DISP1: variants seen among roughly 807,000 people sequenced by gnomAD.
DISP1 encodes dispatched RND transporter family member 1, also known as protein dispatched homolog 1.
A neutral mutation model predicts 37.3 loss-of-function variants in DISP1; 30 were observed. The observed-to-expected ratio is 0.80, with a 90% CI of 0.60 to 1.09. DISP1 has a LOEUF of 1.09. Ranked by LOEUF, DISP1 falls within the 50% of genes least tolerant of loss-of-function variation. The pLI, the probability that DISP1 is intolerant of heterozygous loss-of-function variation, is 0.00. For missense variants in DISP1, 1,598 were observed against 1,879.5 expected (o/e 0.85, Z 2.77); for synonymous variants, 634 against 690.2 (o/e 0.92, Z 1.28).
In DISP1 at chr1:222,943,247, C is replaced by T; in HGVS notation, c.424C>T (p.Gln142Ter). Residue 142 changes from glutamine (Q) to a stop codon, truncating the protein, a stop_gained, in exon 3 of 9, where the codon CAG (glutamine) becomes TAG (stop). Coordinates refer to ENST00000675850, the MANE Select transcript of DISP1 (RefSeq NM_001377229.1). LOFTEE classifies it high-confidence loss of function. ...SPVYQTTCCL[Q>*]PSPSFCLHHP... is the part of the protein sequence containing the mutation. Reference sequence around the variant, plus strand: ...TGTGTATCAGACTACGTGCTGTCTTCAGCCCTCTCCATCCTTCTGCCTGCA... The same window carrying T: ...TGTGTATCAGACTACGTGCTGTCTTTAGCCCTCTCCATCCTTCTGCCTGCA... 3 of 1,613,748 alleles carry T rather than the reference C, an allele frequency of 1.9e-6. No individual in the cohort carries two copies. The highest frequency in any genetic ancestry group is 2.5e-6 in the Non-Finnish European group (3 of 1,179,734).
At chr1:222,819,515 TAC>T (rs71175197) in intron 1 of DISP1, among the ~76,000 whole-genome samples, 21 of 139,222 alleles carry the variant, frequency 1.5e-4, no homozygotes, top group Admixed American at 2.9e-4. Flanking sequence ...GTTATATACA[TAC>T]ACACACACAC....
intron 3 of DISP1, among the ~76,000 whole-genome samples, chr1:222,971,279 T>A (rs899784963): frequency 1.6e-5 from 2 of 128,692 alleles, no homozygotes; most frequent in African/African-American, 5.8e-5. Context: ...TCTATAGAAG[T>A]TTGAGGGAAA....
At chr1:222,824,973 G>A (rs570046167) in intron 1 of DISP1, among the ~76,000 whole-genome samples, 88 of 152,250 alleles carry the variant, frequency 5.8e-4, no homozygotes, top group African/African-American at 2.0e-3. Flanking sequence ...TTTTTAGACA[G>A]TTTCATTCTT....
chr1:222,908,144 G>A (rs1210209156), intron 1 of DISP1, among the ~76,000 whole-genome samples: 9 of 152,064 alleles, frequency 5.9e-5, no homozygotes, highest in Non-Finnish European at 2.9e-5. Flanking sequence ...AAAGTACAAT[G>A]TCAATTTATT....
chr1:222,815,821 T>G (rs768702038), intron 1 of DISP1, among the ~76,000 whole-genome samples: 48 of 152,182 alleles, frequency 3.2e-4, no homozygotes, highest in Admixed American at 6.5e-4. Context: ...CTTGTCTTAT[T>G]TCCCTTGTCA....
intron 1 of DISP1, among the ~76,000 whole-genome samples, chr1:222,907,881 G>A (rs1195997981): frequency 3.9e-5 from 6 of 152,218 alleles, no homozygotes; most frequent in Non-Finnish European, 2.9e-5. Context: ...CCCTGGAGGC[G>A]GAGGTTGCAG....
chr1:222,956,253 G>C (rs1233186866), intron 3 of DISP1, among the ~76,000 whole-genome samples: 4 of 152,172 alleles, frequency 2.6e-5, no homozygotes, highest in Non-Finnish European at 5.9e-5. Flanking sequence ...GATGGATGGA[G>C]TATGTGTTGT....
intron 7 of DISP1, among the ~76,000 whole-genome samples, chr1:222,994,220 AGC>A (rs1678898357): frequency 6.6e-6 from 1 of 152,204 alleles, no homozygotes; most frequent in Admixed American, 6.5e-5. Context: ...AAGGTCACGT[AGC>A]TAGTAAATGA....
At chr1:222,822,357 A>C (rs1663151136) in intron 1 of DISP1, among the ~76,000 whole-genome samples, 1 of 151,978 alleles carries the variant, frequency 6.6e-6, no homozygotes, top group African/African-American at 2.4e-5. Flanking sequence ...TCTTTCTGGA[A>C]CCCTTTAAGC....
At chr1:222,829,013 A>G (rs534070494) in intron 1 of DISP1, among the ~76,000 whole-genome samples, 2 of 152,330 alleles carry the variant, frequency 1.3e-5, no homozygotes, top group Non-Finnish European at 2.9e-5. Flanking sequence ...ATAAGTTCCT[A>G]GAAACTGATG....
At chr1:222,982,810 A>G (rs560941011) in intron 3 of DISP1, among the ~76,000 whole-genome samples, 1 of 152,296 alleles carries the variant, frequency 6.6e-6, no homozygotes, top group East Asian at 1.9e-4. Flanking sequence ...CAGTGTGAGT[A>G]TGATTCCATC....
intron 3 of DISP1, among the ~76,000 whole-genome samples, chr1:222,944,176 A>G (rs1042198254): frequency 2.6e-5 from 4 of 152,218 alleles, no homozygotes; most frequent in Non-Finnish European, 4.4e-5. Flanking sequence ...CCTTCATAGC[A>G]GATAAAACCT....
chr1:222,826,473 T>C (rs1199023722), intron 1 of DISP1, among the ~76,000 whole-genome samples: 1 of 148,144 alleles, frequency 6.8e-6, no homozygotes, highest in Non-Finnish European at 1.5e-5. Context: ...TTCAACCTCC[T>C]GGGCTCGAGT....
At chr1:222,831,791 ATAATATAT>A (rs1320285417) in intron 1 of DISP1, among the ~76,000 whole-genome samples, 3 of 152,192 alleles carry the variant, frequency 2.0e-5, no homozygotes, top group African/African-American at 7.2e-5. Context: ...CAGTTTGGTT[ATAATATAT>A]GGGATACATT....
intron 1 of DISP1, among the ~76,000 whole-genome samples, chr1:222,837,802 A>G (rs1266406659): frequency 6.6e-6 from 1 of 152,194 alleles, no homozygotes; most frequent in Non-Finnish European, 1.5e-5. Flanking sequence ...TTTAATTAAG[A>G]CCAAAAAACC....
At chr1:222,935,869 G>T (rs1194770102) in intron 2 of DISP1, among the ~76,000 whole-genome samples, 1 of 152,112 alleles carries the variant, frequency 6.6e-6, no homozygotes, top group Admixed American at 6.6e-5. Flanking sequence ...CATCTAGTTT[G>T]ATTGCATCCT....
At chr1:222,876,573 A>G (rs1488236467) in intron 1 of DISP1, among the ~76,000 whole-genome samples, 2 of 152,244 alleles carry the variant, frequency 1.3e-5, no homozygotes, top group East Asian at 3.8e-4. Context: ...GTGGAGTAAA[A>G]TTGGGCAGTT....
At chr1:222,935,182 G>A (rs968111703) in intron 2 of DISP1, among the ~76,000 whole-genome samples, 22 of 152,098 alleles carry the variant, frequency 1.4e-4, no homozygotes, top group Non-Finnish European at 1.5e-4. Flanking sequence ...TGCATCTCTA[G>A]GTGATCCTTG....
intron 1 of DISP1, among the ~76,000 whole-genome samples, chr1:222,861,791 A>G (rs976380817): frequency 1.3e-5 from 2 of 152,218 alleles, no homozygotes; most frequent in African/African-American, 2.4e-5. Context: ...TAGTAATGTT[A>G]TTACACTATA....
Sources: gnomAD v4.1 joint callset for allele counts (sites outside exome capture counted in the v4.1 genomes callset) on GRCh38, gnomAD v4.1.1 for gene constraint, MANE v1.5 for transcripts, NCBI Gene and HGNC (gene_info 2026-07-23, HGNC 2026-07-21) for gene names.